The following INF2 variants were observed in gnomAD, a reference collection of about 807,000 sequenced individuals.
INF2 encodes inverted formin 2, also known as inverted formin-2.
INF2 carries 43 observed loss-of-function variants against 123.5 expected under a neutral mutation model. The ratio of observed to expected loss-of-function variants is 0.35; its 90% CI spans 0.27 to 0.45. INF2 has a LOEUF of 0.45. Ranked by LOEUF, INF2 falls within the 20% of genes least tolerant of loss-of-function variation. The pLI is 1.00. For synonymous variants in INF2, 851 were observed against 745.0 expected, an observed-to-expected ratio of 1.14 and a Z score of -2.32; for missense variants, 1,453 against 1,682.7, an observed-to-expected ratio of 0.86 and a Z score of 2.39.
chr14:104,701,875 C>A, intron 2 of INF2, 119 bp downstream of exon 2: 1 of 1,129,470 alleles, frequency 8.9e-7, no homozygotes, highest in Non-Finnish European at 1.2e-6. Context: ...GCCAGGCAGG[C>A]AAGGAGGGCT....
In INF2 at chr14:104,718,977, A is replaced by G. The variant is rs1890447191; in HGVS notation, c.*184A>G. 1.5e-6 allele frequency: 2 copies of G among 1,376,410 alleles called. No homozygotes were observed. The highest frequency in any genetic ancestry group is 1.5e-5 in the African/African-American group (1 of 67,986). The allele number at this position is 1,376,410 out of a possible 1,614,324, so 85.3% of individuals were successfully genotyped here. On this transcript the variant is annotated 3_prime_UTR_variant, in exon 23 of 23. Coordinates refer to ENST00000392634, the MANE Select transcript of INF2 (RefSeq NM_022489.4). Reference sequence around the variant, plus strand: ...GGGGTGTTGTGGCTGGGAACCCGACAGGCACCAGTGCCCTGCCAGGCCTGG... The same window carrying G: ...GGGGTGTTGTGGCTGGGAACCCGACGGGCACCAGTGCCCTGCCAGGCCTGG...
In INF2 at chr14:104,699,916, C is replaced by T. The variant is rs897257500; in HGVS notation, c.-9-1441C>T. 6.6e-6 allele frequency among the ~76,000 whole-genome samples: 1 copy of T among 152,114 alleles called. No homozygotes were observed. The highest frequency in any genetic ancestry group is 2.4e-5 in the African/African-American group (1 of 41,412). ...TGCCTCCTGGAAGGAGCCCACTGGC[C>T]CCCTGGGGCAGTTGGACAGGTGGAG... On this transcript the variant is annotated intron_variant, in intron 1 of 22. Transcript: ENST00000392634. The surrounding 1 kb of genome is among the most constrained non-coding windows in gnomAD (Gnocchi z 4.7).
chr14:104,689,587 T>TA, upstream of INF2: 4 of 851,062 alleles, frequency 4.7e-6, no homozygotes, highest in Non-Finnish European at 5.6e-6. Flanking sequence ...CACCTCCTCT[T>TA]CCTCCCGCCC....
rs770095888 is a variant in INF2 at position 104,714,284 on chromosome 14, C to G, written c.3122C>G (p.Ala1041Gly). ...ASEPGLDATT[A>G]SESRGWDLVD... The stretch of plus-strand genomic sequence containing the variant: ...GAGCCCGGCCTTGATGCTACAACAG[C>G]CAGCGAGTCCCGGGGCTGGGACCTT... The change falls in exon 21 of 23, where the codon GCC (alanine) becomes GGC (glycine). Residue 1041 changes from alanine (A) to glycine (G), a missense_variant. Transcript: ENST00000392634. The G allele has an allele frequency of 1.9e-6, 3 of 1,593,022 alleles. No homozygotes were observed. Among genetic ancestry groups the G allele is most frequent in the Middle Eastern group, 1.7e-4 (1 of 6,024 alleles).
chr14:104,703,479 G>A (rs2140649168), intron 4 of INF2, 25 bp downstream of exon 4: 1 of 1,607,214 alleles, frequency 6.2e-7, no homozygotes, highest in Non-Finnish European at 8.5e-7. Flanking sequence ...TGGGCCGCAT[G>A]CCCGCTCCTG....
In INF2 at chr14:104,706,914, G is replaced by C; in HGVS notation, c.848G>C (p.Ser283Thr). The C allele has an allele frequency of 6.2e-7, 1 of 1,604,158 alleles. No homozygotes were observed. Among genetic ancestry groups the C allele is most frequent in the Non-Finnish European group, 8.5e-7 (1 of 1,179,266 alleles). The part of the protein sequence containing the change: ...EVFASLFHKV[S>T]CSPVSAQLLS... Reference sequence around the variant, plus strand: ...ACCCCACACTCGCCCGTCCAGGTGAGCTGCTCCCCGGTGTCTGCCCAGCTC... The same window carrying C: ...ACCCCACACTCGCCCGTCCAGGTGACCTGCTCCCCGGTGTCTGCCCAGCTC... Residue 283 changes from serine (S) to threonine (T), a missense_variant, in exon 7 of 23, where the codon AGC (serine) becomes ACC (threonine). By Grantham distance (58) the Ser-to-Thr change is moderately conservative. Coordinates refer to ENST00000392634, the MANE Select transcript of INF2 (RefSeq NM_022489.4).
At chr14:104,700,500 C>T (rs1251303966) in intron 1 of INF2, among the ~76,000 whole-genome samples, 2 of 152,286 alleles carry the variant, frequency 1.3e-5, no homozygotes, top group African/African-American at 4.8e-5. Flanking sequence ...CCTGGGATGC[C>T]CCTGACCTTC....
At chr14:104,710,013 C>T in intron 12 of INF2, 75 bp from the exon 13 acceptor site, 2 of 1,265,164 alleles carry the variant, frequency 1.6e-6, no homozygotes, top group Admixed American at 2.0e-5. Flanking sequence ...CAAGCCAGAG[C>T]CCTGTGCTGA....
At chr14:104,706,825 T>C (rs754528855) in intron 6 of INF2, 85 bp from the exon 7 acceptor site, 39 of 1,503,086 alleles carry the variant, frequency 2.6e-5, no homozygotes, top group East Asian at 9.2e-5. Context: ...GTGATGGGGC[T>C]GGACACCCTG....
At chr14:104,682,795 C>T (rs1888557772) in intron 1 of INF2, among the ~76,000 whole-genome samples, 1 of 152,138 alleles carries the variant, frequency 6.6e-6, no homozygotes, top group Non-Finnish European at 1.5e-5. Flanking sequence ...GCAGTGGCCA[C>T]TCCTAAAATC....
rs1364808759 is a variant in INF2 at position 104,718,783 on chromosome 14, T to G, written c.*2-12T>G. 2 of 1,612,988 alleles carry G rather than the reference T, an allele frequency of 1.2e-6. No homozygotes were observed. Among genetic ancestry groups the G allele is most frequent in the Middle Eastern group, 1.7e-4 (1 of 6,040 alleles). ...CTGCTCCTAATAATGTCATTTTTTC[T>G]CTCTCTTACAGGCCTCAGGCCCAGG... On this transcript the variant is annotated splice_polypyrimidine_tract_variant and intron_variant, in intron 22 of 22. Transcript: ENST00000392634.
At chr14:104,695,611 A>ACCCCTCCTCCCAGTGC in intron 1 of INF2, among the ~76,000 whole-genome samples, 1 of 151,868 alleles carries the variant, frequency 6.6e-6, no homozygotes, top group Non-Finnish European at 1.5e-5. Flanking sequence ...CCTCCCAGTG[A>ACCCCTCCTCCCAGTGC]GCCGGGGCAT....
At chr14:104,711,253 G>A (rs139304722) in intron 15 of INF2, 67 bp downstream of exon 15, 32 of 1,330,490 alleles carry the variant, frequency 2.4e-5, no homozygotes, top group African/African-American at 1.0e-4. Context: ...GTGTAGAGGC[G>A]TAGAGGCCAT....
Position 104,720,965 on chromosome 14 carries a change from G to T in INF2, c.*2172G>T, listed in dbSNP as rs1400045440. ...TGCTGTGGACGTCTGCGTCGTCCTC[G>T]TGTGGATGCTGCTGTGGACGTCTGC... On this transcript the variant is annotated 3_prime_UTR_variant, in exon 23 of 23. Coordinates refer to ENST00000392634, the MANE Select transcript of INF2 (RefSeq NM_022489.4). 1.7e-5 allele frequency: 1 copy of T among 58,930 alleles called. No individual in the cohort carries two copies. Among genetic ancestry groups the T allele is most frequent in the Non-Finnish European group, 3.0e-5 (1 of 33,302 alleles). The allele number at this position is 58,930 out of a possible 1,614,324, so 3.7% of individuals were successfully genotyped here. A position where few individuals can be genotyped will look rare whatever the true frequency, so the allele number is the denominator to read the frequency against.
intron 13 of INF2, among the ~76,000 whole-genome samples, chr14:104,710,468 G>T (rs548975481): frequency 4.0e-5 from 6 of 148,842 alleles, no homozygotes; most frequent in Non-Finnish European, 8.9e-5. Context: ...CAAGCACACC[G>T]CCACTCAGGC....
chr14:104,712,659 C>T (rs1255387614), intron 17 of INF2, 106 bp downstream of exon 17: 43 of 1,551,984 alleles, frequency 2.8e-5, no homozygotes, highest in Admixed American at 1.0e-4. Context: ...TCCTGGGGCC[C>T]GAGTTTCCCC....
chr14:104,710,007 C>T (rs1889969914), intron 12 of INF2, 81 bp from the exon 13 acceptor site: 29 of 1,247,126 alleles, frequency 2.3e-5, no homozygotes, highest in Non-Finnish European at 3.1e-5. Context: ...ACCACCCAAG[C>T]CAGAGCCCTG....
Position 104,711,019 on chromosome 14 carries a change from G to T in INF2, c.2310+12G>T. On this transcript the variant is annotated intron_variant, in intron 14 of 22. Transcript: ENST00000392634. ...ACTTCCTCAACTACGTAAGTCAGGG[G>T]CAGCTCCCCATCCCACCTGGTGCCA... 1 of 1,611,566 alleles carries T rather than the reference G, an allele frequency of 6.2e-7. No individual in the cohort carries two copies. Among genetic ancestry groups the T allele is most frequent in the Non-Finnish European group, 8.5e-7 (1 of 1,179,408 alleles).
Position 104,702,518 on chromosome 14 carries a change from C to T in INF2, c.392-587C>T, listed in dbSNP as rs369916020. Among the ~76,000 whole-genome samples, 4 of 151,666 alleles carry T rather than the reference C, an allele frequency of 2.6e-5. No homozygotes were observed. In the South Asian group the frequency reaches 6.2e-4, roughly 24 times the overall value. On this transcript the variant is annotated intron_variant, in intron 2 of 22. Coordinates refer to ENST00000392634, the MANE Select transcript of INF2 (RefSeq NM_022489.4). ...GCCAGGTCCTACCGATGCTTGGGGA[C>T]GAGCTAGGGTGGGCAGTGATGGGCG...
Sources: gnomAD v4.1 joint callset for allele counts (sites outside exome capture counted in the v4.1 genomes callset) on GRCh38, gnomAD v4.1.1 for gene constraint, Gnocchi (gnomAD v3.1) non-coding constraint, MANE v1.5 for transcripts, NCBI Gene and HGNC (gene_info 2026-07-23, HGNC 2026-07-21) for gene names.